ADGB: variants seen among roughly 807,000 people sequenced by gnomAD.
ADGB encodes androglobin, also known as calpain-7-like protein.
ADGB carries 172 observed loss-of-function variants against 210.5 expected under a neutral mutation model. The ratio of observed to expected loss-of-function variants is 0.82; its 90% CI spans 0.72 to 0.93. The LOEUF (loss-of-function observed/expected upper bound fraction) is 0.93, where lower values mean the gene tolerates loss of function less well. Ranked by LOEUF, ADGB falls within the 40% of genes least tolerant of loss-of-function variation. The probability of loss-of-function intolerance (pLI) is 0.00; values close to 1 mark genes in which losing one functional copy is unlikely to be tolerated. For synonymous variants in ADGB, 658 were observed against 662.7 expected (o/e 0.99, Z 0.11); for missense variants, 2,025 against 1,964.8 (o/e 1.03, Z -0.58).
At chr6:146,657,449 A>G (rs767312804) in intron 5 of ADGB, among the ~76,000 whole-genome samples, 2 of 152,204 alleles carry the variant, frequency 1.3e-5, no homozygotes, top group African/African-American at 4.8e-5. Flanking sequence ...GTGTAGCTAC[A>G]GAGAGAAACT....
At chr6:146,795,231 G>A (rs1184888132) in intron 33 of ADGB, among the ~76,000 whole-genome samples, 1 of 152,080 alleles carries the variant, frequency 6.6e-6, no homozygotes, top group South Asian at 2.1e-4. Context: ...TATATCAATT[G>A]CACATGGGAA....
chr6:146,720,058 T>G (rs185214457), intron 16 of ADGB, among the ~76,000 whole-genome samples: 20 of 136,868 alleles, frequency 1.5e-4, no homozygotes, highest in Admixed American at 4.8e-4. Flanking sequence ...ATATATTAAC[T>G]TTTTTTTAAT....
intron 1 of ADGB, among the ~76,000 whole-genome samples, chr6:146,623,910 G>A (rs1780936150): frequency 6.6e-6 from 1 of 151,794 alleles, no homozygotes; most frequent in Admixed American, 6.6e-5. Context: ...AACTATTCCT[G>A]GGATAAACTC....
At chr6:146,703,555 A>G (rs951600232) in intron 13 of ADGB, among the ~76,000 whole-genome samples, 3 of 151,856 alleles carry the variant, frequency 2.0e-5, no homozygotes, top group Non-Finnish European at 4.4e-5. Context: ...TCTACTTAGT[A>G]TCTATTTTTC....
intron 10 of ADGB, among the ~76,000 whole-genome samples, chr6:146,687,544 A>G (rs1309435473): frequency 2.0e-5 from 3 of 152,098 alleles, no homozygotes; most frequent in Non-Finnish European, 2.9e-5. Flanking sequence ...TAACACAAGA[A>G]CAGAAAATCA....
At chr6:146,721,027 T>G (rs1776804771) in intron 16 of ADGB, among the ~76,000 whole-genome samples, 2 of 152,172 alleles carry the variant, frequency 1.3e-5, no homozygotes, top group South Asian at 4.1e-4. Context: ...CTGCCAAAGT[T>G]TCTTACTCTA....
rs1012060337 is a variant in ADGB, at chr6:146,638,498, G to C, written c.237+2961G>C. On this transcript the variant is annotated intron_variant, in intron 2 of 35. Coordinates refer to ENST00000397944, the MANE Select transcript of ADGB (RefSeq NM_024694.4). ...AAACCATCATTCTCAGCAAACTATCGCAAGGACAAAAAACCAAACACCACA... is the reference window on the plus strand; with the variant it reads ...AAACCATCATTCTCAGCAAACTATCCCAAGGACAAAAAACCAAACACCACA... 2.7e-5 allele frequency among the ~76,000 whole-genome samples: 4 copies of C among 148,840 alleles called. No homozygotes were observed. The East Asian group carries it at 7.9e-4, about 29-fold the overall frequency.
chr6:146,667,221 C>T (rs1242479517), intron 7 of ADGB, among the ~76,000 whole-genome samples: 1 of 151,834 alleles, frequency 6.6e-6, no homozygotes, highest in African/African-American at 2.4e-5. Flanking sequence ...AAAGAACAGT[C>T]AATTTTTACA....
chr6:146,707,758 T>C (rs1489728336), intron 13 of ADGB, among the ~76,000 whole-genome samples: 14 of 152,076 alleles, frequency 9.2e-5, no homozygotes, highest in Admixed American at 7.9e-4. Flanking sequence ...GTAGGCAGTA[T>C]ATAGTTGAGT....
chr6:146,692,929 T>A lies in ADGB; in HGVS notation c.1577+14T>A. 1 of 1,369,060 alleles carries A rather than the reference T, an allele frequency of 7.3e-7. No individual in the cohort carries two copies. Among genetic ancestry groups the A allele is most frequent in the Non-Finnish European group, 1.0e-6 (1 of 990,340 alleles). 84.8% of individuals were successfully genotyped at this position (1,369,060 alleles called of 1,614,324 possible). On this transcript the variant is annotated intron_variant, in intron 12 of 35. Coordinates refer to ENST00000397944, the MANE Select transcript of ADGB (RefSeq NM_024694.4). The stretch of plus-strand genomic sequence containing the variant: ...TCCAACAGAAATGTAAGTATTAACA[T>A]TCTTCCTCACAAATGTGTCTTGTTA...
At chr6:146,672,888 G>A (rs1010851350) in intron 8 of ADGB, among the ~76,000 whole-genome samples, 9 of 151,732 alleles carry the variant, frequency 5.9e-5, no homozygotes, top group Admixed American at 2.0e-4. Flanking sequence ...GCACCACCAC[G>A]CCCAGCTAAT....
intron 13 of ADGB, among the ~76,000 whole-genome samples, chr6:146,712,591 T>C (rs1776674303): frequency 6.6e-6 from 1 of 152,170 alleles, no homozygotes; most frequent in Non-Finnish European, 1.5e-5. Flanking sequence ...TTCTGGAGAA[T>C]TTTCTTATAC....
At chr6:146,730,736 G>A (rs1057275314) in intron 20 of ADGB, among the ~76,000 whole-genome samples, 2 of 152,128 alleles carry the variant, frequency 1.3e-5, no homozygotes, top group African/African-American at 4.8e-5. Context: ...TAGCTTTTTA[G>A]AAAGATGTAC....
chr6:146,797,512 TATATAC>T (rs1265582671), intron 33 of ADGB, among the ~76,000 whole-genome samples: 1 of 151,986 alleles, frequency 6.6e-6, no homozygotes, highest in African/African-American at 2.4e-5. Flanking sequence ...GTGGTATATA[TATATAC>T]ATATATACAC....
intron 25 of ADGB, 131 bp downstream of exon 25, chr6:146,741,402 CTATAGAAGTCCCA>C (rs1777162077): frequency 1.4e-6 from 1 of 726,430 alleles, no homozygotes. Flanking sequence ...TGATCTTTCA[CTATAGAAGTCCCA>C]TATATTTAAC....
At chr6:146,811,283 CT>C (rs927924479) in intron 35 of ADGB, among the ~76,000 whole-genome samples, 75 of 152,176 alleles carry the variant, frequency 4.9e-4, no homozygotes, top group African/African-American at 1.8e-3. Flanking sequence ...TACAATGTGT[CT>C]TGCTTTTTCT....
At chr6:146,607,342 G>C (rs1248581718) in intron 1 of ADGB, among the ~76,000 whole-genome samples, 2 of 152,156 alleles carry the variant, frequency 1.3e-5, no homozygotes, top group African/African-American at 4.8e-5. Context: ...TCTACAAAGA[G>C]AGATAGTTTG....
intron 35 of ADGB, among the ~76,000 whole-genome samples, chr6:146,810,240 A>C (rs1290156554): frequency 6.6e-6 from 1 of 152,212 alleles, no homozygotes; most frequent in Admixed American, 6.5e-5. Flanking sequence ...GAGAAATGCA[A>C]ATCAAAACAA....
At position 146,633,064 on chromosome 6, in the gene ADGB, C is replaced by T. The variant is rs190706513; in HGVS notation, c.75-2311C>T. Among the ~76,000 whole-genome samples the T allele has an allele frequency of 9.0e-4, 137 of 152,220 alleles. 1 individual carries two copies. In the Middle Eastern group the frequency reaches 0.01, roughly 11 times the overall value. ...AGAATCTGATGTCTAATTACCTACT[C>T]AGTATCCTCAAGGCTGTATTTTTGG... On this transcript the variant is annotated intron_variant, in intron 1 of 35. Coordinates refer to ENST00000397944, the MANE Select transcript of ADGB (RefSeq NM_024694.4).
Sources: allele counts gnomAD v4.1 joint callset (sites outside exome capture counted in the v4.1 genomes callset), GRCh38; gene constraint gnomAD v4.1.1; transcripts MANE v1.5; gene names NCBI Gene and HGNC (gene_info 2026-07-23, HGNC 2026-07-21).